Variants in GPCPD1 observed in about 807,000 individuals in gnomAD.
GPCPD1 encodes the protein glycerophosphocholine phosphodiesterase GPCPD1.
A neutral mutation model predicts 89.2 loss-of-function variants in GPCPD1; 29 were observed. That is an observed-to-expected ratio of 0.33 (90% CI 0.24 to 0.44). The LOEUF is 0.44. GPCPD1 is among the 20% of genes least tolerant of loss of function. The pLI is 1.00. For synonymous variants in GPCPD1, 258 were observed against 266.3 expected, an observed-to-expected ratio of 0.97 and a Z score of 0.30; for missense variants, 594 against 808.9, an observed-to-expected ratio of 0.73 and a Z score of 3.22.
In GPCPD1 at chr20:5,565,039, T is replaced by C; in HGVS notation, c.1307A>G (p.Gln436Arg). 6.5e-7 allele frequency: 1 copy of C among 1,540,570 alleles called. No individual in the cohort carries two copies. The highest frequency in any genetic ancestry group is 9.0e-7 in the Non-Finnish European group (1 of 1,113,190). ...TACCATCTTAAGAGAAGGAAATGGC[T>C]GATTTTCTGAAAAGGAATTTTCCTC... is the stretch of plus-strand genomic sequence containing the variant. ...VQEENSFSEN[Q>R]PFPSLKMVLE... Residue 436 changes from glutamine to arginine, a missense_variant, in exon 15 of 20, where the codon CAG (glutamine) becomes CGG (arginine). By Grantham distance (43) the Gln-to-Arg change is conservative. Coordinates refer to ENST00000379019, the MANE Select transcript of GPCPD1 (RefSeq NM_019593.5).
intron 1 of GPCPD1, among the ~76,000 whole-genome samples, chr20:5,607,028 T>C (rs1980631017): frequency 1.3e-5 from 2 of 152,212 alleles, no homozygotes; most frequent in African/African-American, 2.4e-5. Context: ...GGCTCATGCC[T>C]GTAATCCCAG....
intron 14 of GPCPD1, 52 bp downstream of exon 14, chr20:5,566,681 C>T (rs757045301): frequency 1.7e-5 from 18 of 1,066,126 alleles, no homozygotes; most frequent in Non-Finnish European, 2.6e-5. Flanking sequence ...TTTTAAAAAT[C>T]CTATTAATGC....
At chr20:5,568,425 T>A (rs6038204) in intron 12 of GPCPD1, among the ~76,000 whole-genome samples, 110,138 of 151,418 alleles carry the variant, frequency 0.73, 41,365 homozygotes, top group African/African-American at 0.92. Flanking sequence ...TGAAATACTT[T>A]TTTTTTTTCT....
chr20:5,578,422 C>G lies in GPCPD1; in HGVS notation c.663G>C (p.Thr221=), dbSNP rs774526757. 2 of 1,613,620 alleles carry G rather than the reference C, an allele frequency of 1.2e-6. No individual in the cohort carries two copies. The highest frequency in any genetic ancestry group is 1.3e-5 in the African/African-American group (1 of 74,910). Reference sequence around the variant, plus strand: ...TTAGTTCCAGGTTATCTGGTTCCATCGTCTGTATGCTGTACTCTGTCCAAC... The same window carrying G: ...TTAGTTCCAGGTTATCTGGTTCCATGGTCTGTATGCTGTACTCTGTCCAAC... ...PDRWTEYSIQ[T]MEPDNLELIF... is the part of the protein sequence containing the mutation. The change falls in exon 8 of 20, where the codon ACG becomes ACC. Residue 221 remains threonine (T), a synonymous_variant. Transcript: ENST00000379019.
intron 6 of GPCPD1, among the ~76,000 whole-genome samples, chr20:5,582,486 G>C (rs1036057029): frequency 6.6e-6 from 1 of 152,086 alleles, no homozygotes; most frequent in Non-Finnish European, 1.5e-5. Context: ...CCTGTGCTTA[G>C]CAGGAAAGCA....
intron 12 of GPCPD1, 197 bp from the exon 13 acceptor site, chr20:5,567,757 C>A: frequency 2.2e-6 from 1 of 451,254 alleles, no homozygotes; most frequent in Non-Finnish European, 3.8e-6. Flanking sequence ...CCTCCCAGCC[C>A]TTATATTCTG....
intron 19 of GPCPD1, 22 bp downstream of exon 19, chr20:5,557,923 A>AT: frequency 1.5e-6 from 2 of 1,364,878 alleles, no homozygotes; most frequent in Non-Finnish European, 2.0e-6. Context: ...TTCCATGAAA[A>AT]TTTTTCATGA....
Position 5,601,529 on chromosome 20 carries a change from C to T in GPCPD1, c.50-2708G>A, listed in dbSNP as rs112902605. Among the ~76,000 whole-genome samples, 406 of 151,968 alleles carry T rather than the reference C, an allele frequency of 2.7e-3. 1 individual carries two copies. Among genetic ancestry groups the T allele is most frequent in the Admixed American group, 5.2e-3 (79 of 15,252 alleles). On this transcript the variant is annotated intron_variant, in intron 2 of 19. Coordinates refer to ENST00000379019, the MANE Select transcript of GPCPD1 (RefSeq NM_019593.5). ...GACTACAGGCACGCACCATCATGCC[C>T]GGCTAATTTTTGTATTTTTAGTAGA...
intron 2 of GPCPD1, among the ~76,000 whole-genome samples, chr20:5,602,986 T>TAAAA (rs57455474): frequency 2.5e-5 from 3 of 121,378 alleles, no homozygotes; most frequent in Non-Finnish European, 3.4e-5. Flanking sequence ...CCATCTCAAT[T>TAAAA]AAAAAAAAAA....
chr20:5,575,832 T>C lies in GPCPD1; in HGVS notation c.852A>G (p.Thr284=), dbSNP rs557548863. ...CAACCTTACCTCTCACTTTGCCTAT[T>C]GTTTTCCGGGAATTTCTGCTCATGA... ...LPIMSRNSRK[T]IGKVRVDYII... is the part of the protein sequence containing the mutation. The change falls in exon 9 of 20, where the codon ACA becomes ACG. Residue 284 remains threonine, a synonymous_variant. Transcript: ENST00000379019. The C allele has an allele frequency of 1.2e-6, 2 of 1,610,118 alleles. No homozygotes were observed. Among genetic ancestry groups the C allele is most frequent in the Admixed American group, 1.7e-5 (1 of 59,958 alleles).
chr20:5,557,420 A>G (rs1213623952), intron 19 of GPCPD1, among the ~76,000 whole-genome samples: 1 of 152,238 alleles, frequency 6.6e-6, no homozygotes, highest in African/African-American at 2.4e-5. Context: ...GACAGAACAA[A>G]AAGATTTTCT....
At chr20:5,554,451 T>C (rs564078441) in intron 19 of GPCPD1, among the ~76,000 whole-genome samples, 1 of 152,320 alleles carries the variant, frequency 6.6e-6, no homozygotes, top group South Asian at 2.1e-4. Flanking sequence ...TTGAAGCCAA[T>C]ACTCATTTAA....
intron 19 of GPCPD1, chr20:5,548,869 TA>T: frequency 1.0e-6 from 1 of 990,010 alleles, no homozygotes. Context: ...CCCCTACTCC[TA>T]ATCCCCCTGT....
chr20:5,597,750 A>C (rs975959320), intron 3 of GPCPD1, among the ~76,000 whole-genome samples: 6 of 152,214 alleles, frequency 3.9e-5, no homozygotes, highest in Non-Finnish European at 7.3e-5. Flanking sequence ...ACTGAGGCCT[A>C]CAGACATCAG....
At chr20:5,571,036 G>A (rs1422209871) in intron 11 of GPCPD1, among the ~76,000 whole-genome samples, 1 of 152,174 alleles carries the variant, frequency 6.6e-6, no homozygotes, top group African/African-American at 2.4e-5. Flanking sequence ...GGCCAGCTGC[G>A]ATAGAAGGAA....
At chr20:5,549,616 T>A (rs954854878) in intron 19 of GPCPD1, 1 of 535,668 alleles carries the variant, frequency 1.9e-6, no homozygotes, top group Non-Finnish European at 3.3e-6. Flanking sequence ...TCCATCCAAA[T>A]GTTGCTAAGA....
chr20:5,575,750 C>G, intron 9 of GPCPD1, 66 bp downstream of exon 9: 2 of 1,067,636 alleles, frequency 1.9e-6, no homozygotes, highest in Non-Finnish European at 2.8e-6. Flanking sequence ...TTATCAAATA[C>G]TTAATTTGAA....
intron 12 of GPCPD1, among the ~76,000 whole-genome samples, chr20:5,568,642 C>A (rs1438283878): frequency 6.6e-6 from 1 of 152,126 alleles, no homozygotes; most frequent in Non-Finnish European, 1.5e-5. Flanking sequence ...CAGTGGCTCA[C>A]ATCTGTAATC....
At chr20:5,579,048 T>C (rs969553205) in intron 7 of GPCPD1, among the ~76,000 whole-genome samples, 16 of 141,086 alleles carry the variant, frequency 1.1e-4, no homozygotes, top group African/African-American at 3.9e-4. Flanking sequence ...TATTCAGGCA[T>C]GTGTCACATG....
Sources: allele counts gnomAD v4.1 joint callset (sites outside exome capture counted in the v4.1 genomes callset), GRCh38; gene constraint gnomAD v4.1.1; transcripts MANE v1.5; gene names NCBI Gene and HGNC (gene_info 2026-07-23, HGNC 2026-07-21).